The following ABCA5 variants were observed in gnomAD, a reference collection of about 807,000 sequenced individuals.
The protein encoded by ABCA5 is ATP binding cassette subfamily A member 5.
In ABCA5, 163 loss-of-function variants were observed where a neutral mutation model predicts 206.0. The ratio of observed to expected loss-of-function variants is 0.79; its 90% CI spans 0.70 to 0.90. The LOEUF is 0.90. Among genes scored for constraint, ABCA5 ranks in the 40% least tolerant of loss-of-function variants. ABCA5 has a pLI of 0.00. For missense variants in ABCA5, 1,859 were observed against 1,912.9 expected, an observed-to-expected ratio of 0.97 and a Z score of 0.53; for synonymous variants, 609 against 613.8, an observed-to-expected ratio of 0.99 and a Z score of 0.11.
intron 9 of ABCA5, 38 bp from the exon 10 acceptor site, chr17:69,297,397 T>C (rs1241376197): frequency 6.5e-7 from 1 of 1,544,180 alleles, no homozygotes; most frequent in Non-Finnish European, 8.7e-7. Context: ...TTACCATAAT[T>C]AGTTTTTAAA....
Position 69,270,728 on chromosome 17 carries a change from A to G in ABCA5, c.2915T>C (p.Phe972Ser), listed in dbSNP as rs775436041. The G allele has an allele frequency of 1.3e-6, 2 of 1,559,022 alleles. No individual in the cohort carries two copies. The highest frequency in any genetic ancestry group is 2.5e-5 in the South Asian group (2 of 80,056). Reference sequence around the variant, plus strand: ...TAAAGAATAAACCATAGTACTGTTGAAAACAGCTGCAAAAACATAGTCCTA... The same window carrying G: ...TAAAGAATAAACCATAGTACTGTTGGAAACAGCTGCAAAAACATAGTCCTA... ...SEKDYVFAAV[F>S]NSTMVYSLPI... Residue 972 changes from phenylalanine (F) to serine (S), a missense_variant, in exon 22 of 39, where the codon TTC becomes TCC. Physicochemically the swap from Phe to Ser is radical, Grantham distance 155 (BLOSUM62 -2). Coordinates refer to ENST00000392676, the MANE Select transcript of ABCA5 (RefSeq NM_172232.4).
At chr17:69,261,831 GA>G (rs570427694) in intron 24 of ABCA5, 83 bp from the exon 25 acceptor site, 55 of 504,460 alleles carry the variant, frequency 1.1e-4, no homozygotes, top group African/African-American at 1.0e-3. Flanking sequence ...ATTAAAATAT[GA>G]AATTATTAAT....
chr17:69,280,561 G>A (rs1333353656), intron 18 of ABCA5, among the ~76,000 whole-genome samples: 3 of 151,228 alleles, frequency 2.0e-5, no homozygotes, highest in Admixed American at 6.6e-5. Flanking sequence ...TATAAATCAT[G>A]CTGCTATAAA....
At chr17:69,273,428 A>T (rs1292849380) in intron 20 of ABCA5, among the ~76,000 whole-genome samples, 2 of 104,152 alleles carry the variant, frequency 1.9e-5, no homozygotes, top group South Asian at 3.3e-4. Flanking sequence ...ACTATTATAC[A>T]AAGTATAAAT....
At chr17:69,309,487 G>A in intron 3 of ABCA5, 64 bp from the exon 4 acceptor site, 2 of 1,135,830 alleles carry the variant, frequency 1.8e-6, no homozygotes, top group Non-Finnish European at 2.4e-6. Context: ...AGTAGATCAA[G>A]TTTACAATTA....
chr17:69,253,830 C>A lies in ABCA5; in HGVS notation c.4284G>T (p.Lys1428Asn). 1 of 1,612,802 alleles carries A rather than the reference C, an allele frequency of 6.2e-7. No individual in the cohort carries two copies. Among genetic ancestry groups the A allele is most frequent in the Non-Finnish European group, 8.5e-7 (1 of 1,179,612 alleles). Residue 1428 changes from lysine to asparagine, a missense_variant, in exon 33 of 39, where the codon AAG (lysine) becomes AAT (asparagine). Transcript: ENST00000392676. ...HALDLKEHLQKTVKKLPAGIK... is the reference protein window; with the variant it reads ...HALDLKEHLQNTVKKLPAGIK... ...TTCCTGCAGGTAGTTTCTTTACAGT[C>A]TTCTGAAGATGTTCTTTTAAATCAA...
intron 14 of ABCA5, among the ~76,000 whole-genome samples, chr17:69,288,044 T>C (rs556362254): frequency 2.4e-4 from 36 of 152,214 alleles, no homozygotes; most frequent in Non-Finnish European, 4.6e-4. Flanking sequence ...ATATTGCTAT[T>C]ATCCTTAACA....
intron 38 of ABCA5, among the ~76,000 whole-genome samples, chr17:69,247,918 T>C (rs2074970224): frequency 6.6e-6 from 1 of 152,084 alleles, no homozygotes; most frequent in Admixed American, 6.6e-5. Flanking sequence ...ACCACCATCA[T>C]GACTCACTTT....
chr17:69,301,171 A>G lies in ABCA5; in HGVS notation c.1235T>C (p.Leu412Pro). ...MLTLNSIFYV[L>P]LAVYLDQVIP... ...GACTTGATCAAGATAGACAGCCAAG[A>G]GGACATAGAATATACTATTAAGTGT... Residue 412 changes from leucine (L) to proline (P), a missense_variant, in exon 9 of 39, where the codon CTC (leucine) becomes CCC (proline). Transcript: ENST00000392676. The G allele has an allele frequency of 6.3e-7, 1 of 1,580,892 alleles. No individual in the cohort carries two copies. Among genetic ancestry groups the G allele is most frequent in the South Asian group, 1.2e-5 (1 of 83,734 alleles).
intron 24 of ABCA5, among the ~76,000 whole-genome samples, chr17:69,264,015 C>T (rs2075180559): frequency 6.6e-6 from 1 of 152,030 alleles, no homozygotes; most frequent in Non-Finnish European, 1.5e-5. Flanking sequence ...TTCCTTTAGC[C>T]ATCTGGGTAC....
Position 69,253,639 on chromosome 17 carries a change from T to A in ABCA5, c.4349A>T (p.Asn1450Ile). The change falls in exon 34 of 39, where the codon AAT (asparagine) becomes ATT (isoleucine). Residue 1450 changes from asparagine (N) to isoleucine (I), a missense_variant. Transcript: ENST00000392676. ...KLCFALSMLG[N>I]PQITLLDEPS... ...TTCATCTAGCAAAGTAATCTGAGGA[T>A]TCCCTAGCATACTTAGAGCAAAACA... 6.2e-7 allele frequency: 1 copy of A among 1,613,764 alleles called. No homozygotes were observed. Among genetic ancestry groups the A allele is most frequent in the South Asian group, 1.1e-5 (1 of 91,080 alleles).
chr17:69,310,743 G>T (rs1305242561), intron 3 of ABCA5, among the ~76,000 whole-genome samples: 1 of 152,208 alleles, frequency 6.6e-6, no homozygotes, highest in Non-Finnish European at 1.5e-5. Context: ...GAAATGGAAA[G>T]AATATAGAAT....
At chr17:69,280,497 C>G (rs1396762848) in intron 18 of ABCA5, among the ~76,000 whole-genome samples, 2 of 150,750 alleles carry the variant, frequency 1.3e-5, no homozygotes, top group Non-Finnish European at 3.0e-5. Flanking sequence ...GGATCTAGAA[C>G]TAGAAATACC....
chr17:69,289,152 A>T, intron 14 of ABCA5, 25 bp downstream of exon 14: 1 of 1,589,016 alleles, frequency 6.3e-7, no homozygotes, highest in Non-Finnish European at 8.5e-7. Context: ...AAATGAGCTC[A>T]TCTGTAAAAG....
At chr17:69,279,585 A>G (rs75754792) in intron 18 of ABCA5, among the ~76,000 whole-genome samples, 58,060 of 150,780 alleles carry the variant, frequency 0.39, 12,033 homozygotes, top group Middle Eastern at 0.51. Flanking sequence ...GTCAATCCTA[A>G]GCCAAAAGAA....
Position 69,308,323 on chromosome 17 carries a change from C to G in ABCA5, c.515G>C (p.Gly172Ala). ...TATGGATGCTTGTAAAACTGTGAAA[C>G]CTGAGGACCAGTACTGAGCAGCCTC... Reference protein sequence around the residue: ...SCEAAQYWSSGFTVLQASIDA... With the variant: ...SCEAAQYWSSAFTVLQASIDA... Residue 172 changes from glycine to alanine, a missense_variant, in exon 5 of 39, where the codon GGT becomes GCT. Physicochemically the swap from Gly to Ala is moderately conservative, Grantham distance 60. Transcript: ENST00000392676. 1 of 1,611,906 alleles carries G rather than the reference C, an allele frequency of 6.2e-7. No individual in the cohort carries two copies. Among genetic ancestry groups the G allele is most frequent in the Non-Finnish European group, 8.5e-7 (1 of 1,178,542 alleles).
At chr17:69,314,716 C>A in intron 1 of ABCA5, 1 of 249,510 alleles carries the variant, frequency 4.0e-6, no homozygotes, top group Non-Finnish European at 7.6e-6. Context: ...ACAGAGGCAG[C>A]TCCAGAAGAA....
intron 30 of ABCA5, 39 bp downstream of exon 30, chr17:69,255,694 C>T: frequency 6.3e-7 from 1 of 1,576,424 alleles, no homozygotes; most frequent in Non-Finnish European, 8.6e-7. Flanking sequence ...AGAAATTACT[C>T]TTCTAGAAAA....
chr17:69,296,897 G>A (rs1047722938), intron 10 of ABCA5, among the ~76,000 whole-genome samples: 5 of 152,162 alleles, frequency 3.3e-5, no homozygotes, highest in African/African-American at 1.2e-4. Flanking sequence ...TCTGGGAGGT[G>A]GAGGTTACAG....
Sources: allele counts gnomAD v4.1 joint callset (sites outside exome capture counted in the v4.1 genomes callset), GRCh38; gene constraint gnomAD v4.1.1; transcripts MANE v1.5; gene names NCBI Gene and HGNC (gene_info 2026-07-23, HGNC 2026-07-21).